RPH3A: variants seen among roughly 807,000 people sequenced by gnomAD.
RPH3A encodes the protein rabphilin 3A, also known as rabphilin-3A.
A neutral mutation model predicts 102.2 loss-of-function variants in RPH3A; 48 were observed. The ratio of observed to expected loss-of-function variants is 0.47; its 90% confidence interval spans 0.37 to 0.60. RPH3A has a LOEUF of 0.60. RPH3A is among the 20% of genes least tolerant of loss of function. The pLI is 0.00. For synonymous variants in RPH3A, 310 were observed against 324.3 expected (o/e 0.96, Z 0.47); for missense variants, 781 against 910.1 (o/e 0.86, Z 1.83).
At chr12:112,592,101 G>T (rs1180738649) in intron 1 of RPH3A, among the ~76,000 whole-genome samples, 1 of 152,032 alleles carries the variant, frequency 6.6e-6, no homozygotes, top group Non-Finnish European at 1.5e-5. Flanking sequence ...TGTTGGTTGG[G>T]CATAGTGGCT....
chr12:112,872,500 GT>G (rs1426835600), intron 10 of RPH3A, among the ~76,000 whole-genome samples: 1 of 152,024 alleles, frequency 6.6e-6, no homozygotes, highest in Non-Finnish European at 1.5e-5. Context: ...TTCATGGGTT[GT>G]TTTTTCACTC....
chr12:112,868,413 T>A lies in RPH3A; in HGVS notation c.445-17T>A. The A allele has an allele frequency of 6.2e-7, 1 of 1,608,884 alleles. No homozygotes were observed. On this transcript the variant is annotated splice_polypyrimidine_tract_variant and intron_variant, in intron 7 of 21. Transcript: ENST00000389385. ...GCTTGGCTGCCACATCTTCAATCCC[T>A]GTCTCTCCTCCCCAAGGTGTGGAAG... is the stretch of plus-strand genomic sequence containing the variant.
At chr12:112,578,728 A>G (rs970516048) in intron 1 of RPH3A, among the ~76,000 whole-genome samples, 6 of 152,212 alleles carry the variant, frequency 3.9e-5, no homozygotes, top group Admixed American at 6.5e-5. Context: ...GGGAGTTGCA[A>G]AGTCAACTGC....
At chr12:112,708,377 G>T (rs2040438898) in intron 1 of RPH3A, among the ~76,000 whole-genome samples, 1 of 152,220 alleles carries the variant, frequency 6.6e-6, no homozygotes, top group African/African-American at 2.4e-5. Flanking sequence ...GGCGGCATTT[G>T]CAAGGCTGCT....
intron 1 of RPH3A, among the ~76,000 whole-genome samples, chr12:112,700,570 G>C (rs1278156166): frequency 6.6e-6 from 1 of 152,116 alleles, no homozygotes; most frequent in Non-Finnish European, 1.5e-5. Flanking sequence ...ATCCCTCTAT[G>C]GGAATTACAC....
intron 1 of RPH3A, among the ~76,000 whole-genome samples, chr12:112,584,242 G>C (rs1007587029): frequency 2.7e-5 from 3 of 113,098 alleles, no homozygotes; most frequent in African/African-American, 1.5e-4. Flanking sequence ...TTTAATGAAG[G>C]TTAAACACAA....
chr12:112,664,187 A>G (rs1016481608), intron 1 of RPH3A, among the ~76,000 whole-genome samples: 1 of 152,192 alleles, frequency 6.6e-6, no homozygotes, highest in Admixed American at 6.5e-5. Context: ...CTGGGAGTTC[A>G]TATGGCTTAA....
intron 1 of RPH3A, among the ~76,000 whole-genome samples, chr12:112,595,692 G>A (rs113912917): frequency 2.0e-5 from 3 of 152,146 alleles, no homozygotes; most frequent in African/African-American, 7.2e-5. Flanking sequence ...CAGCTTGGGT[G>A]TTTTCCCTGC....
intron 1 of RPH3A, among the ~76,000 whole-genome samples, chr12:112,644,624 C>A (rs2039914335): frequency 6.6e-6 from 1 of 152,338 alleles, no homozygotes; most frequent in African/African-American, 2.4e-5. Context: ...TTATTGAGCA[C>A]GTACTATATG....
intron 16 of RPH3A, among the ~76,000 whole-genome samples, chr12:112,884,176 TGAATA>T (rs1327123755): frequency 6.6e-6 from 1 of 152,162 alleles, no homozygotes; most frequent in Non-Finnish European, 1.5e-5. Context: ...ATATTACAAA[TGAATA>T]GAAAAGTGTA....
chr12:112,605,017 T>C (rs1200559137), intron 1 of RPH3A, among the ~76,000 whole-genome samples: 1 of 152,198 alleles, frequency 6.6e-6, no homozygotes, highest in Non-Finnish European at 1.5e-5. Flanking sequence ...TTCAAGGGGC[T>C]CTACCTTCAA....
At chr12:112,648,570 C>CAAAAAAAAAAAAAAAAAAACAA (rs2039949686) in intron 1 of RPH3A, among the ~76,000 whole-genome samples, 1 of 11,046 alleles carries the variant, frequency 9.1e-5, no homozygotes, top group Non-Finnish European at 1.5e-4. Flanking sequence ...CCCATCTCTA[C>CAAAAAAAAAAAAAAAAAAACAA]AAAAAAAAAA....
intron 1 of RPH3A, among the ~76,000 whole-genome samples, chr12:112,724,482 A>G (rs1264392380): frequency 6.6e-6 from 1 of 152,234 alleles, no homozygotes; most frequent in Non-Finnish European, 1.5e-5. Context: ...ATGAACCTGC[A>G]CAGTTCAAAC....
At chr12:112,892,722 T>C (rs993954359) in intron 19 of RPH3A, 2 of 152,220 alleles carry the variant, frequency 1.3e-5, no homozygotes, top group Non-Finnish European at 2.9e-5. Flanking sequence ...CAGTAAATGC[T>C]AATAAATACC....
At chr12:112,801,577 TGTG>T (rs2041355255) in intron 2 of RPH3A, among the ~76,000 whole-genome samples, 1 of 152,156 alleles carries the variant, frequency 6.6e-6, no homozygotes, top group Non-Finnish European at 1.5e-5. Flanking sequence ...GGAGGGGGAC[TGTG>T]GTTTTAATTA....
chr12:112,733,892 G>T (rs1182388287), intron 1 of RPH3A, among the ~76,000 whole-genome samples: 2 of 152,122 alleles, frequency 1.3e-5, no homozygotes, highest in Non-Finnish European at 2.9e-5. Flanking sequence ...GAGTGTAAAA[G>T]GTCATGCAGC....
At chr12:112,746,627 C>T (rs528365148) in intron 1 of RPH3A, among the ~76,000 whole-genome samples, 11 of 152,268 alleles carry the variant, frequency 7.2e-5, no homozygotes, top group South Asian at 2.1e-4. Context: ...AAGTAAAATG[C>T]GAACATCTGT....
upstream of RPH3A, among the ~76,000 whole-genome samples, chr12:112,790,508 G>A (rs2041087940): frequency 6.6e-6 from 1 of 152,190 alleles, no homozygotes; most frequent in East Asian, 1.9e-4. Context: ...CTCCAATAGA[G>A]AGAGTTCTCC....
At chr12:112,879,863 C>T (rs1004570021) in intron 14 of RPH3A, among the ~76,000 whole-genome samples, 4 of 152,168 alleles carry the variant, frequency 2.6e-5, no homozygotes, top group African/African-American at 9.7e-5. Flanking sequence ...AGATACCAGC[C>T]CTGACCATTC....
Sources: gnomAD v4.1 joint callset for allele counts (sites outside exome capture counted in the v4.1 genomes callset) on GRCh38, gnomAD v4.1.1 for gene constraint, MANE v1.5 for transcripts, NCBI Gene and HGNC (gene_info 2026-07-23, HGNC 2026-07-21) for gene names.